SRPK2: variants seen among roughly 807,000 people sequenced by gnomAD.
The protein encoded by SRPK2 is SRSF protein kinase 2.
SRPK2 carries 21 observed loss-of-function variants against 90.8 expected under a neutral mutation model. The ratio of observed to expected loss-of-function variants is 0.23; its 90% CI spans 0.16 to 0.33. SRPK2 has a LOEUF of 0.33. Among genes scored for constraint, SRPK2 ranks in the 10% least tolerant of loss-of-function variants. SRPK2 has a pLI of 1.00. For missense variants in SRPK2, 620 were observed against 869.0 expected, an observed-to-expected ratio of 0.71 and a Z score of 3.60; for synonymous variants, 288 against 311.1, an observed-to-expected ratio of 0.93 and a Z score of 0.78.
At chr7:105,359,193 C>G (rs540596886) in intron 2 of SRPK2, among the ~76,000 whole-genome samples, 5 of 123,876 alleles carry the variant, frequency 4.0e-5, no homozygotes, top group Non-Finnish European at 6.3e-5. Flanking sequence ...AAGGCTCGCT[C>G]TATCACCCAG....
At chr7:105,178,504 G>A (rs937601986) in intron 3 of SRPK2, among the ~76,000 whole-genome samples, 1 of 152,084 alleles carries the variant, frequency 6.6e-6, no homozygotes, top group African/African-American at 2.4e-5. Context: ...CAAAAGACAC[G>A]GGAGGATTCC....
At chr7:105,333,511 G>C (rs868213396) in intron 2 of SRPK2, among the ~76,000 whole-genome samples, 1 of 152,130 alleles carries the variant, frequency 6.6e-6, no homozygotes, top group Non-Finnish European at 1.5e-5. Context: ...ACAGAACAAA[G>C]AGTATTTTAA....
Position 105,169,144 on chromosome 7 carries a change from AAAG to A in SRPK2, c.338+10_338+12del. 1.2e-6 allele frequency: 2 copies of A among 1,605,586 alleles called. No homozygotes were observed. The highest frequency in any genetic ancestry group is 1.7e-6 in the Non-Finnish European group (2 of 1,174,652). On this transcript the variant is annotated intron_variant, in intron 4 of 15. Coordinates refer to ENST00000393651, the MANE Select transcript of SRPK2 (RefSeq NM_182692.3). ...TCCAGGAAACAAATGCACAAATGAC[AAAG>A]AACACTTACTGCATATCCCAGCACA...
chr7:105,159,466 A>AAAAAAAAAAAAAAAAAAAAAAAAC (rs1316365933), intron 7 of SRPK2, among the ~76,000 whole-genome samples: 170 of 114,278 alleles, frequency 1.5e-3, no homozygotes, highest in Non-Finnish European at 2.6e-3. Flanking sequence ...AAAAAAAAAA[A>AAAAAAAAAAAAAAAAAAAAAAAAC]AAAAAAACCG....
intron 2 of SRPK2, among the ~76,000 whole-genome samples, chr7:105,310,699 T>G (rs1730905226): frequency 6.6e-6 from 1 of 152,026 alleles, no homozygotes; most frequent in Non-Finnish European, 1.5e-5. Flanking sequence ...AGAAGAAAAT[T>G]TTGGATCACC....
At chr7:105,155,442 T>C (rs1416392358) in intron 7 of SRPK2, among the ~76,000 whole-genome samples, 1 of 152,192 alleles carries the variant, frequency 6.6e-6, no homozygotes, top group African/African-American at 2.4e-5. Context: ...CAAAGCACAA[T>C]ACACCTTACA....
intron 2 of SRPK2, among the ~76,000 whole-genome samples, chr7:105,355,349 T>C (rs559118182): frequency 6.8e-6 from 1 of 147,298 alleles, no homozygotes; most frequent in Non-Finnish European, 1.5e-5. Flanking sequence ...AAAAAAATTT[T>C]TTTTTCATTA....
At chr7:105,176,957 A>T (rs536167885) in intron 3 of SRPK2, among the ~76,000 whole-genome samples, 1 of 152,210 alleles carries the variant, frequency 6.6e-6, no homozygotes, top group Non-Finnish European at 1.5e-5. Context: ...TTCTTGAGTG[A>T]AGTAAGAATC....
intron 2 of SRPK2, among the ~76,000 whole-genome samples, chr7:105,243,820 T>G (rs550695369): frequency 1.3e-5 from 2 of 152,248 alleles, no homozygotes; most frequent in Non-Finnish European, 2.9e-5. Context: ...GCTCAGCAGA[T>G]TACCTAAATT....
intron 2 of SRPK2, among the ~76,000 whole-genome samples, chr7:105,218,490 T>C (rs1265168796): frequency 1.3e-5 from 2 of 152,144 alleles, no homozygotes; most frequent in East Asian, 3.8e-4. Context: ...CAACTGGCAA[T>C]GCACTAACGT....
intron 6 of SRPK2, among the ~76,000 whole-genome samples, chr7:105,165,852 G>T (rs1789985025): frequency 6.6e-6 from 1 of 152,046 alleles, no homozygotes; most frequent in Non-Finnish European, 1.5e-5. Flanking sequence ...TCACTTTTTG[G>T]GTCCACACCA....
At chr7:105,149,132 C>T (rs1805132686) in intron 7 of SRPK2, among the ~76,000 whole-genome samples, 1 of 152,112 alleles carries the variant, frequency 6.6e-6, no homozygotes, top group African/African-American at 2.4e-5. Flanking sequence ...AAGCCTCTTG[C>T]AGTTGAGATA....
chr7:105,222,845 G>A (rs999488504), intron 2 of SRPK2, among the ~76,000 whole-genome samples: 6 of 151,980 alleles, frequency 3.9e-5, no homozygotes, highest in Non-Finnish European at 7.4e-5. Flanking sequence ...TCTGTGGAAC[G>A]ACAGTGGAAT....
intron 15 of SRPK2, among the ~76,000 whole-genome samples, chr7:105,120,526 C>G (rs1160041549): frequency 6.6e-6 from 1 of 152,066 alleles, no homozygotes; most frequent in Admixed American, 6.5e-5. Flanking sequence ...TATCTAACTA[C>G]TTTTAACAAG....
At chr7:105,340,201 T>G (rs957291077) in intron 2 of SRPK2, among the ~76,000 whole-genome samples, 2 of 152,146 alleles carry the variant, frequency 1.3e-5, no homozygotes, top group Non-Finnish European at 2.9e-5. Flanking sequence ...ATGTATCTGT[T>G]TAAAATTCTG....
chr7:105,253,333 A>G (rs948192958), intron 2 of SRPK2, among the ~76,000 whole-genome samples: 3 of 152,176 alleles, frequency 2.0e-5, no homozygotes, highest in African/African-American at 7.2e-5. Flanking sequence ...AGGGGGAAAA[A>G]TATATTTCTT....
chr7:105,223,695 T>C (rs770782281), intron 2 of SRPK2, among the ~76,000 whole-genome samples: 43 of 152,344 alleles, frequency 2.8e-4, no homozygotes, highest in Non-Finnish European at 4.9e-4. Flanking sequence ...AATTTCCACA[T>C]ACATCTCTCT....
chr7:105,347,537 G>GC (rs1754813461), intron 2 of SRPK2, among the ~76,000 whole-genome samples: 1 of 152,032 alleles, frequency 6.6e-6, no homozygotes, highest in African/African-American at 2.4e-5. Context: ...TTCAGCCGAA[G>GC]AATGAGGGGG....
chr7:105,200,353 G>A (rs1795397154), intron 3 of SRPK2, among the ~76,000 whole-genome samples: 1 of 151,938 alleles, frequency 6.6e-6, no homozygotes, highest in Admixed American at 6.6e-5. Flanking sequence ...ATTTCAAAAG[G>A]ACACAGAACC....
Sources: allele counts gnomAD v4.1 joint callset (sites outside exome capture counted in the v4.1 genomes callset), GRCh38; gene constraint gnomAD v4.1.1; transcripts MANE v1.5; gene names NCBI Gene and HGNC (gene_info 2026-07-23, HGNC 2026-07-21).